The following ATRN variants were observed in gnomAD, a reference collection of about 807,000 sequenced individuals.
ATRN encodes the protein attractin.
In ATRN, 54 loss-of-function variants were observed where a neutral mutation model predicts 178.7. That is an observed-to-expected ratio of 0.30 (90% CI 0.24 to 0.38). The LOEUF is 0.38. Ranked by LOEUF, ATRN falls within the 10% of genes least tolerant of loss-of-function variation. The pLI is 1.00. For missense variants in ATRN, 1,443 were observed against 1,815.1 expected, an observed-to-expected ratio of 0.79 and a Z score of 3.73; for synonymous variants, 636 against 663.0, an observed-to-expected ratio of 0.96 and a Z score of 0.63.
chr20:3,614,077 T>C (rs1263650385), intron 24 of ATRN, among the ~76,000 whole-genome samples: 1 of 152,178 alleles, frequency 6.6e-6, no homozygotes, highest in Non-Finnish European at 1.5e-5. Flanking sequence ...TATAAAAATC[T>C]TTGTAGATGC....
chr20:3,585,174 G>C (rs528232106), intron 18 of ATRN, among the ~76,000 whole-genome samples: 7 of 152,272 alleles, frequency 4.6e-5, no homozygotes, highest in South Asian at 4.1e-4. Context: ...GGAGAGGCTG[G>C]GCTGGTGCAA....
chr20:3,540,394 T>G (rs2146189717), intron 3 of ATRN, 59 bp downstream of exon 3: 1 of 1,102,588 alleles, frequency 9.1e-7, no homozygotes, highest in African/African-American at 1.6e-5. Flanking sequence ...AAACATATCT[T>G]CTGGATTGCA....
chr20:3,578,040 G>A (rs1174837362), intron 14 of ATRN, among the ~76,000 whole-genome samples: 4 of 152,152 alleles, frequency 2.6e-5, no homozygotes, highest in African/African-American at 9.7e-5. Flanking sequence ...AGCTTGTCTT[G>A]TATGCTATAG....
chr20:3,524,925 A>G (rs2085344270), intron 1 of ATRN, among the ~76,000 whole-genome samples: 1 of 152,224 alleles, frequency 6.6e-6, no homozygotes, highest in African/African-American at 2.4e-5. Context: ...AGGGAAATTT[A>G]TAGCACTAAA....
At chr20:3,472,839 A>G (rs1295550867) in intron 1 of ATRN, among the ~76,000 whole-genome samples, 2 of 152,226 alleles carry the variant, frequency 1.3e-5, no homozygotes, top group African/African-American at 2.4e-5. Flanking sequence ...GATGGAAAGA[A>G]GGGTGCAAAC....
chr20:3,563,511 A>G (rs771132465), intron 10 of ATRN, 148 bp downstream of exon 10: 24 of 790,256 alleles, frequency 3.0e-5, no homozygotes, highest in Admixed American at 5.8e-5. Flanking sequence ...TCATTTGACT[A>G]ATGTTACACA....
intron 25 of ATRN, among the ~76,000 whole-genome samples, chr20:3,630,969 T>A (rs1176961749): frequency 9.7e-6 from 1 of 103,298 alleles, no homozygotes; most frequent in African/African-American, 3.8e-5. Flanking sequence ...TTTTTTGGGA[T>A]AGGGTCTCTG....
chr20:3,552,325 C>G (rs1291892068), intron 6 of ATRN, among the ~76,000 whole-genome samples: 1 of 152,168 alleles, frequency 6.6e-6, no homozygotes, highest in Non-Finnish European at 1.5e-5. Context: ...GATCCCCTAT[C>G]TCCAGCTCTT....
At chr20:3,502,642 A>C (rs2084979988) in intron 1 of ATRN, among the ~76,000 whole-genome samples, 1 of 152,194 alleles carries the variant, frequency 6.6e-6, no homozygotes, top group South Asian at 2.1e-4. Flanking sequence ...GGTGAGAGGA[A>C]GCACATTCCT....
chr20:3,597,491 C>T (rs74694241), intron 21 of ATRN, among the ~76,000 whole-genome samples: 1 of 152,170 alleles, frequency 6.6e-6, no homozygotes, highest in Non-Finnish European at 1.5e-5. Flanking sequence ...TAGAATCCAA[C>T]GCTAATGCCA....
At chr20:3,512,104 TA>T (rs1439180560) in intron 1 of ATRN, among the ~76,000 whole-genome samples, 1,540 of 123,438 alleles carry the variant, frequency 0.012, 33 homozygotes, top group African/African-American at 0.035. Context: ...TATATATATA[TA>T]TATTTTTTTT....
intron 1 of ATRN, among the ~76,000 whole-genome samples, chr20:3,515,614 T>C (rs2085196358): frequency 6.6e-6 from 1 of 152,192 alleles, no homozygotes. Context: ...AGAAATTTGG[T>C]GAGAGCATTG....
chr20:3,598,603 A>G (rs2086564178), intron 22 of ATRN, among the ~76,000 whole-genome samples: 2 of 152,238 alleles, frequency 1.3e-5, no homozygotes, highest in Non-Finnish European at 1.5e-5. Flanking sequence ...ATCTGCTGTC[A>G]TTAACGATGA....
intron 6 of ATRN, among the ~76,000 whole-genome samples, chr20:3,551,529 A>G (rs1457647969): frequency 6.6e-6 from 1 of 152,090 alleles, no homozygotes; most frequent in African/African-American, 2.4e-5. Flanking sequence ...AGGAATCTCT[A>G]TCTCCAGCTC....
intron 1 of ATRN, among the ~76,000 whole-genome samples, chr20:3,521,156 A>T (rs929391193): frequency 1.3e-5 from 2 of 152,192 alleles, no homozygotes; most frequent in East Asian, 3.8e-4. Context: ...TACTATGCGT[A>T]CACACAGGTC....
intron 12 of ATRN, among the ~76,000 whole-genome samples, chr20:3,573,563 G>C (rs2086159073): frequency 6.6e-6 from 1 of 151,874 alleles, no homozygotes; most frequent in Admixed American, 6.6e-5. Context: ...GTCTCTAGTT[G>C]GATACAACAG....
Position 3,559,541 on chromosome 20 carries a change from G to A in ATRN, c.1203+58G>A. 5 of 1,382,206 alleles carry A rather than the reference G, an allele frequency of 3.6e-6. No individual in the cohort carries two copies. The Admixed American group carries it at 5.2e-5, about 14-fold the overall frequency. The allele number at this position is 1,382,206 out of a possible 1,614,324, so 85.6% of individuals were successfully genotyped here. A position where few individuals can be genotyped will look rare whatever the true frequency, so the allele number is the denominator to read the frequency against. On this transcript the variant is annotated intron_variant, in intron 7 of 28. Coordinates refer to ENST00000262919, the MANE Select transcript of ATRN (RefSeq NM_139321.3). ...ACTAAGTTTTCCTCAGTTACTTCAT[G>A]TATTACATAGTTGAAAAGCTACCTC... is the stretch of plus-strand genomic sequence containing the variant.
At chr20:3,515,757 A>T (rs1189771384) in intron 1 of ATRN, among the ~76,000 whole-genome samples, 1 of 152,152 alleles carries the variant, frequency 6.6e-6, no homozygotes, top group Non-Finnish European at 1.5e-5. Flanking sequence ...CTGTAAGCTG[A>T]TCCAGCAGAA....
At chr20:3,516,620 G>A (rs1020244216) in intron 1 of ATRN, among the ~76,000 whole-genome samples, 1 of 152,146 alleles carries the variant, frequency 6.6e-6, no homozygotes, top group Non-Finnish European at 1.5e-5. Context: ...AGCCAAGGGG[G>A]ATATGAAGAA....
Sources: gnomAD v4.1 joint callset for allele counts (sites outside exome capture counted in the v4.1 genomes callset) on GRCh38, gnomAD v4.1.1 for gene constraint, MANE v1.5 for transcripts, NCBI Gene and HGNC (gene_info 2026-07-23, HGNC 2026-07-21) for gene names.